Variants in ADAMTSL1 observed in about 807,000 individuals in gnomAD.
ADAMTSL1 encodes ADAMTS like 1, also known as ADAMTS-like protein 1.
A neutral mutation model predicts 201.8 loss-of-function variants in ADAMTSL1; 126 were observed. The ratio of observed to expected loss-of-function variants is 0.62; its 90% CI spans 0.54 to 0.72. The LOEUF (loss-of-function observed/expected upper bound fraction) is 0.72, where lower values mean the gene tolerates loss of function less well. ADAMTSL1 is among the 30% of genes least tolerant of loss of function. The pLI, the probability that ADAMTSL1 is intolerant of heterozygous loss-of-function variation, is 0.00. For synonymous variants in ADAMTSL1, 1,121 were observed against 903.4 expected, an observed-to-expected ratio of 1.24 and a Z score of -4.32; for missense variants, 2,679 against 2,277.8, an observed-to-expected ratio of 1.18 and a Z score of -3.59.
In ADAMTSL1 at chr9:18,681,801, T is replaced by C. The variant is rs201530711; in HGVS notation, c.1342-11T>C. The C allele has an allele frequency of 5.4e-4, 866 of 1,592,082 alleles. 11 individuals carry two copies. Among genetic ancestry groups the C allele is most frequent in the Admixed American group, 2.4e-4 (14 of 58,244 alleles). ...CCTACGAGTCTCCTCTCTCTTGCAA[T>C]CTCTTTCCAGTGCACAGTGACATGT... On this transcript the variant is annotated splice_polypyrimidine_tract_variant and intron_variant, in intron 11 of 28. Transcript: ENST00000380548.
intron 1 of ADAMTSL1, among the ~76,000 whole-genome samples, chr9:17,926,384 T>G (rs1033147072): frequency 5.9e-5 from 9 of 152,098 alleles, no homozygotes; most frequent in African/African-American, 2.2e-4. Context: ...CCACCAAGGT[T>G]TATTTCACCA....
intron 2 of ADAMTSL1, among the ~76,000 whole-genome samples, chr9:18,217,756 G>T (rs1223620499): frequency 6.6e-6 from 1 of 152,172 alleles, no homozygotes; most frequent in African/African-American, 2.4e-5. Context: ...GACTGATGCT[G>T]GCTTCACTGG....
intron 2 of ADAMTSL1, among the ~76,000 whole-genome samples, chr9:18,508,268 C>T (rs1436931459): frequency 1.3e-5 from 2 of 152,012 alleles, no homozygotes; most frequent in Non-Finnish European, 2.9e-5. Flanking sequence ...GTTTGTGTGT[C>T]CCTGGCTTTC....
intron 20 of ADAMTSL1, among the ~76,000 whole-genome samples, chr9:18,802,918 T>G (rs1822890647): frequency 6.6e-6 from 1 of 152,220 alleles, no homozygotes; most frequent in Non-Finnish European, 1.5e-5. Flanking sequence ...CGTGAAGTAG[T>G]ACTTTATTGT....
At chr9:18,274,429 A>G (rs1832507588) in intron 2 of ADAMTSL1, among the ~76,000 whole-genome samples, 1 of 152,182 alleles carries the variant, frequency 6.6e-6, no homozygotes, top group East Asian at 1.9e-4. Context: ...TTTCATCTAG[A>G]TTATTTTCAG....
intron 1 of ADAMTSL1, among the ~76,000 whole-genome samples, chr9:18,121,886 TCTC>T (rs1825514138): frequency 6.6e-6 from 1 of 152,128 alleles, no homozygotes. Context: ...AAAATTTTCA[TCTC>T]CTCCAAAAGA....
intron 15 of ADAMTSL1, among the ~76,000 whole-genome samples, chr9:18,735,684 C>T (rs570413484): frequency 6.6e-6 from 1 of 151,674 alleles, no homozygotes; most frequent in Admixed American, 6.6e-5. Context: ...AATGGGAGGA[C>T]ACCGTAGATC....
intron 1 of ADAMTSL1, among the ~76,000 whole-genome samples, chr9:17,979,933 G>A (rs909055675): frequency 1.3e-5 from 2 of 152,062 alleles, no homozygotes; most frequent in Non-Finnish European, 2.9e-5. Flanking sequence ...AAGGACAGGA[G>A]CTTAGAACTG....
At position 18,374,738 on chromosome 9, in the gene ADAMTSL1, C is replaced by T. The variant is rs1176669760; in HGVS notation, c.208-130091C>T. The stretch of plus-strand genomic sequence containing the variant: ...AAATGAGTGGGATTCTATTCAGCCT[C>T]ACCTGTCTACATGACCTAATGGTTT... On this transcript the variant is annotated intron_variant, in intron 2 of 29. Transcript: ENST00000680146. Among the ~76,000 whole-genome samples the T allele has an allele frequency of 2.6e-5, 4 of 152,204 alleles. No homozygotes were observed. The East Asian group carries it at 7.7e-4, about 29-fold the overall frequency.
chr9:18,680,896 TTGTATCCGAAAGG>T, intron 11 of ADAMTSL1: 1 of 237,850 alleles, frequency 4.2e-6, no homozygotes, highest in South Asian at 6.5e-5. Context: ...GTATTATGCT[TTGTATCCGAAAGG>T]GTCTAAGTGG....
rs557986753 is a variant in ADAMTSL1 at position 18,657,627 on chromosome 9, T to G, written c.835-12T>G. On this transcript the variant is annotated splice_polypyrimidine_tract_variant and intron_variant, in intron 7 of 28. Transcript: ENST00000380548. ...TGTCACATTACTTCTACTTTCCTGT[T>G]GACTCCTGCAGATTCGTAACTCGGG... 2 of 1,605,216 alleles carry G rather than the reference T, an allele frequency of 1.2e-6. No individual in the cohort carries two copies. Among genetic ancestry groups the G allele is most frequent in the African/African-American group, 2.7e-5 (2 of 74,852 alleles).
chr9:17,941,857 C>T (rs1280367435), intron 1 of ADAMTSL1, among the ~76,000 whole-genome samples: 1 of 152,066 alleles, frequency 6.6e-6, no homozygotes, highest in Non-Finnish European at 1.5e-5. Context: ...TGATGAGGGT[C>T]TACTCCCTGC....
intron 21 of ADAMTSL1, among the ~76,000 whole-genome samples, chr9:18,819,015 G>A (rs1390730940): frequency 6.6e-6 from 1 of 152,134 alleles, no homozygotes; most frequent in African/African-American, 2.4e-5. Context: ...GGGATTAATG[G>A]TGGTGCCAGT....
Position 18,795,450 on chromosome 9 carries a change from A to G in ADAMTSL1, c.3731A>G (p.Asp1244Gly), listed in dbSNP as rs753874701. 6.2e-7 allele frequency: 1 copy of G among 1,613,792 alleles called. No homozygotes were observed. The highest frequency in any genetic ancestry group is 1.3e-5 in the African/African-American group (1 of 74,916). Residue 1244 changes from aspartate to glycine, a missense_variant, in exon 20 of 29, where the codon GAT (aspartate) becomes GGT (glycine). Asp to Gly is a moderately conservative substitution (Grantham distance 94). Coordinates refer to ENST00000380548, the MANE Select transcript of ADAMTSL1 (RefSeq NM_001040272.6). Reference protein sequence around the residue: ...SLQILAPVEADVGFYTCNATN... With the variant: ...SLQILAPVEAGVGFYTCNATN... The stretch of plus-strand genomic sequence containing the variant: ...CAGATCTTGGCACCAGTGGAAGCAG[A>G]TGTGGGTTTCTACACTTGCAATGCC...
rs75388519 is a variant in ADAMTSL1, at chr9:18,352,839, T to C, written c.208-151990T>C. Among the ~76,000 whole-genome samples the C allele has an allele frequency of 7.9e-3, 1,196 of 152,344 alleles. 21 individuals are homozygous for C. The highest frequency in any genetic ancestry group is 0.027 in the African/African-American group (1,114 of 41,588). On this transcript the variant is annotated intron_variant, in intron 2 of 29. Coordinates refer to the ADAMTSL1 transcript ENST00000680146. ...CAATCAGTCAGCGTCCCTGGCAAGATGCAAAGTCTGTTAGATATCTTGTTT... is the reference window on the plus strand; with the variant it reads ...CAATCAGTCAGCGTCCCTGGCAAGACGCAAAGTCTGTTAGATATCTTGTTT...
chr9:18,550,029 C>T (rs571409289), intron 3 of ADAMTSL1, among the ~76,000 whole-genome samples: 1 of 151,850 alleles, frequency 6.6e-6, no homozygotes, highest in Non-Finnish European at 1.5e-5. Context: ...TGAGTTACCC[C>T]ACAGATGACA....
chr9:18,256,812 C>T (rs367873641), intron 2 of ADAMTSL1, among the ~76,000 whole-genome samples: 1 of 152,204 alleles, frequency 6.6e-6, no homozygotes, highest in African/African-American at 2.4e-5. Flanking sequence ...CCTGTCAGCA[C>T]TGCCTGTTCC....
intron 1 of ADAMTSL1, among the ~76,000 whole-genome samples, chr9:18,477,576 G>A (rs1165835900): frequency 1.3e-5 from 2 of 152,188 alleles, no homozygotes; most frequent in Non-Finnish European, 2.9e-5. Flanking sequence ...ATGTATGTCA[G>A]TGTGTTCATG....
At position 18,892,703 on chromosome 9, in the gene ADAMTSL1, C is replaced by T. The variant is rs543803671; in HGVS notation, c.4851+107C>T. ...CTGCCACTGCCACCTCCTCCTTTCA[C>T]ATTCTGATTGGCCAGGCATAGCTTT... On this transcript the variant is annotated intron_variant, in intron 26 of 28. Coordinates refer to ENST00000380548, the MANE Select transcript of ADAMTSL1 (RefSeq NM_001040272.6). 7 of 1,297,892 alleles carry T rather than the reference C, an allele frequency of 5.4e-6. No individual in the cohort carries two copies. The Admixed American group carries it at 1.5e-4, about 28-fold the overall frequency. 80.4% of individuals were successfully genotyped at this position (1,297,892 alleles called of 1,614,324 possible).
Sources: allele counts gnomAD v4.1 joint callset (sites outside exome capture counted in the v4.1 genomes callset), GRCh38; gene constraint gnomAD v4.1.1; transcripts MANE v1.5; gene names NCBI Gene and HGNC (gene_info 2026-07-23, HGNC 2026-07-21).